TCFL5: variants seen among roughly 807,000 people sequenced by gnomAD.
TCFL5 encodes the protein transcription factor-like 5 protein.
TCFL5 carries 9 observed loss-of-function variants against 44.3 expected under a neutral mutation model. The observed-to-expected ratio is 0.20, with a 90% CI of 0.12 to 0.35. The LOEUF (loss-of-function observed/expected upper bound fraction) is 0.35, where lower values mean the gene tolerates loss of function less well. TCFL5 is among the 10% of genes least tolerant of loss of function. The pLI, the probability that TCFL5 is intolerant of heterozygous loss-of-function variation, is 1.00. For synonymous variants in TCFL5, 319 were observed against 271.6 expected (o/e 1.17, Z -1.72); for missense variants, 603 against 613.4 (o/e 0.98, Z 0.18).
chr20:62,852,371 T>TGGAACTCGGGTCCCTC (rs1555829502), intron 5 of TCFL5: 1 of 977,074 alleles, frequency 1.0e-6, no homozygotes, highest in Non-Finnish European at 1.2e-6. Context: ...TCGGGTCCCC[T>TGGAACTCGGGTCCCTC]GAAGGCAGGG....
intron 5 of TCFL5, 54 bp downstream of exon 5, chr20:62,853,962 C>A: frequency 6.3e-7 from 1 of 1,590,198 alleles, no homozygotes; most frequent in South Asian, 1.1e-5. Context: ...AAAGGAGGGA[C>A]ATTGTTAAGT....
Position 62,854,019 on chromosome 20 carries a change from T to C in TCFL5, c.1377A>G (p.Lys459=). ...ATCTACCTGGCCTACCACTAACCTT[T>C]TTAAGAGAATCTCCATGTCTTTCCT... ...YIQERHGDSL[K]KEFESVFCGK... is the part of the protein sequence containing the mutation. The change falls in exon 5 of 6, where the codon AAA becomes AAG. Residue 459 remains lysine (K), a synonymous_variant. Coordinates refer to ENST00000335351, the MANE Select transcript of TCFL5 (RefSeq NM_006602.4). The C allele has an allele frequency of 6.2e-7, 1 of 1,613,890 alleles. No homozygotes were observed. The highest frequency in any genetic ancestry group is 1.1e-5 in the South Asian group (1 of 91,054).
At chr20:62,856,198 C>A (rs1426827841) in intron 4 of TCFL5, among the ~76,000 whole-genome samples, 17 of 139,416 alleles carry the variant, frequency 1.2e-4, no homozygotes, top group African/African-American at 4.3e-4. Flanking sequence ...TGCAGTGAGC[C>A]GAGATCATGC....
chr20:62,853,928 G>A lies in TCFL5; in HGVS notation c.1380+88C>T, dbSNP rs1372716363. On this transcript the variant is annotated intron_variant, in intron 5 of 5. Coordinates refer to ENST00000335351, the MANE Select transcript of TCFL5 (RefSeq NM_006602.4). ...TGATGTTAGATTCCAGGAAACAAAG[G>A]ATAGTTTGAGTTATCCTTAGGAAAA... 5.0e-6 allele frequency: 7 copies of A among 1,412,590 alleles called. No homozygotes were observed. The East Asian group carries it at 9.1e-5, about 18-fold the overall frequency. The allele number at this position is 1,412,590 out of a possible 1,614,324, so 87.5% of individuals were successfully genotyped here.
Position 62,841,123 on chromosome 20 carries a change from A to C in TCFL5, c.*852T>G. On this transcript the variant is annotated 3_prime_UTR_variant, in exon 6 of 6. Transcript: ENST00000335351. ...AATGACTGGCTACAGAGTAACAAAA[A>C]ATAAAGAATTTAATGTACAGTAAAT... 4.5e-6 allele frequency: 1 copy of C among 221,270 alleles called. No homozygotes were observed. The allele number at this position is 221,270 out of a possible 1,614,324, so 13.7% of individuals were successfully genotyped here.
rs539486536 is a variant in TCFL5 at position 62,853,047 on chromosome 20, G to A, written c.1380+969C>T. On this transcript the variant is annotated intron_variant, in intron 5 of 5. Coordinates refer to ENST00000335351, the MANE Select transcript of TCFL5 (RefSeq NM_006602.4). ...CCGGTCCACAGAAGCATAGTCACCC[G>A]GTCCACAGAAGTACAGTCACCCGGT... 4.0e-5 allele frequency among the ~76,000 whole-genome samples: 6 copies of A among 148,932 alleles called. No homozygotes were observed. In the South Asian group the frequency reaches 8.6e-4, roughly 21 times the overall value.
At chr20:62,845,720 G>T in intron 5 of TCFL5, 1 of 1,606,614 alleles carries the variant, frequency 6.2e-7, no homozygotes, top group Non-Finnish European at 8.5e-7. Context: ...ACGAGGACTC[G>T]GAGACATATT....
At chr20:62,856,976 C>T (rs1047420474) in intron 4 of TCFL5, among the ~76,000 whole-genome samples, 81 of 152,316 alleles carry the variant, frequency 5.3e-4, no homozygotes, top group Admixed American at 1.4e-3. Context: ...CTACGTGACA[C>T]GCCCCTGGTC....
At chr20:62,858,308 G>A (rs1056591882) in intron 3 of TCFL5, among the ~76,000 whole-genome samples, 31 of 152,260 alleles carry the variant, frequency 2.0e-4, no homozygotes, top group South Asian at 2.1e-4. Context: ...TCATGTGCAC[G>A]CGTATGCCAC....
At chr20:62,858,291 G>T (rs1470526231) in intron 3 of TCFL5, among the ~76,000 whole-genome samples, 1 of 152,250 alleles carries the variant, frequency 6.6e-6, no homozygotes. Context: ...GTGACTGGCA[G>T]GCGTGCTCAT....
intron 3 of TCFL5, among the ~76,000 whole-genome samples, chr20:62,858,003 C>A (rs757600664): frequency 0.012 from 1,770 of 148,382 alleles, 19 homozygotes; most frequent in Non-Finnish European, 0.019. Flanking sequence ...AAAAAAAAAA[C>A]AACAACAACA....
At position 62,859,467 on chromosome 20, in the gene TCFL5, A is replaced by G. The variant is rs1431565709; in HGVS notation, c.891T>C (p.Pro297=). 1.2e-6 allele frequency: 2 copies of G among 1,614,168 alleles called. No homozygotes were observed. Among genetic ancestry groups the G allele is most frequent in the Non-Finnish European group, 1.7e-6 (2 of 1,180,024 alleles). Residue 297 remains proline (P), a synonymous_variant, in exon 3 of 6, where the codon CCT becomes CCC. Coordinates refer to ENST00000335351, the MANE Select transcript of TCFL5 (RefSeq NM_006602.4). Reference sequence around the variant, plus strand: ...GCTGATAACAGAAAGAAAATGCTCTAGGCAATCCAATATCCTGGTGCTTGG... The same window carrying G: ...GCTGATAACAGAAAGAAAATGCTCTGGGCAATCCAATATCCTGGTGCTTGG... ...EAAKHQDIGL[P]RAFSFCYQQE...
chr20:62,843,690 G>A (rs1488838682), intron 5 of TCFL5, among the ~76,000 whole-genome samples: 3 of 152,124 alleles, frequency 2.0e-5, no homozygotes, highest in African/African-American at 7.2e-5. Context: ...CTGTGCAGCC[G>A]CCACCACCTT....
chr20:62,844,920 TGTA>T (rs1056235738), intron 5 of TCFL5: 8 of 984,956 alleles, frequency 8.1e-6, no homozygotes, highest in African/African-American at 5.3e-5. Flanking sequence ...GTTGCTGAGT[TGTA>T]GTAACTTTCT....
In TCFL5 at chr20:62,842,842, C is replaced by T. The variant is rs982920387; in HGVS notation, c.1381-745G>A. Among the ~76,000 whole-genome samples the T allele has an allele frequency of 1.3e-5, 2 of 152,188 alleles. No homozygotes were observed. The highest frequency in any genetic ancestry group is 4.8e-5 in the African/African-American group (2 of 41,440). The stretch of plus-strand genomic sequence containing the variant: ...CCCCACCCCAGGGCGACTGCCTTGC[C>T]CTCTGCACTGCCACACACTCAGGGT... On this transcript the variant is annotated intron_variant, in intron 5 of 5. Transcript: ENST00000335351. This position sits in a 1 kb window ranked among gnomAD's most constrained non-coding sequence, Gnocchi z 4.3.
rs567975706 is a variant in TCFL5, at chr20:62,851,565, C to A, written c.1380+2451G>T. 2.6e-4 allele frequency: 257 copies of A among 985,292 alleles called. No individual in the cohort carries two copies. In the African/African-American group the frequency reaches 4.1e-3, roughly 16 times the overall value. 61.0% of individuals were successfully genotyped at this position (985,292 alleles called of 1,614,324 possible). Reference sequence around the variant, plus strand: ...CTCTAACAATAATCTTCAAGAGTAACTGCATTGTAAATAACCATAAACGAT... The same window carrying A: ...CTCTAACAATAATCTTCAAGAGTAAATGCATTGTAAATAACCATAAACGAT... On this transcript the variant is annotated intron_variant, in intron 5 of 5. Coordinates refer to ENST00000335351, the MANE Select transcript of TCFL5 (RefSeq NM_006602.4).
intron 5 of TCFL5, chr20:62,852,559 G>C: frequency 1.0e-6 from 1 of 985,496 alleles, no homozygotes; most frequent in South Asian, 4.7e-5. Context: ...CACACAGACA[G>C]GATCACGGCA....
chr20:62,849,679 T>C (rs1272940644), intron 5 of TCFL5, among the ~76,000 whole-genome samples: 2 of 151,948 alleles, frequency 1.3e-5, no homozygotes, highest in African/African-American at 4.8e-5. Context: ...AAAAAACTAG[T>C]CAGGCATGGT....
At chr20:62,852,828 G>A (rs1278647636) in intron 5 of TCFL5, 24 of 1,289,058 alleles carry the variant, frequency 1.9e-5, no homozygotes, top group Non-Finnish European at 2.3e-5. Flanking sequence ...GTCCACAAAG[G>A]TATAGTCAAC....
Sources: gnomAD v4.1 joint callset for allele counts (sites outside exome capture counted in the v4.1 genomes callset) on GRCh38, gnomAD v4.1.1 for gene constraint, Gnocchi (gnomAD v3.1) non-coding constraint, MANE v1.5 for transcripts, NCBI Gene and HGNC (gene_info 2026-07-23, HGNC 2026-07-21) for gene names.